The following ADSS1 variants were observed in gnomAD, a reference collection of about 807,000 sequenced individuals.
ADSS1 encodes adenylosuccinate synthetase isozyme 1.
A neutral mutation model predicts 59.1 loss-of-function variants in ADSS1; 57 were observed. That is an observed-to-expected ratio of 0.97 (90% CI 0.78 to 1.20). The LOEUF is 1.20. Ranked by LOEUF, ADSS1 falls within the 50% of genes most tolerant of loss-of-function variation. The pLI is 0.00. For missense variants in ADSS1, 603 were observed against 610.3 expected (o/e 0.99, Z 0.13); for synonymous variants, 247 against 249.4 (o/e 0.99, Z 0.09).
At chr14:104,744,477 C>T (rs892716869) in intron 10 of ADSS1, 2 of 228,814 alleles carry the variant, frequency 8.7e-6, no homozygotes, top group Non-Finnish European at 1.7e-5. Flanking sequence ...CGGATGGTTT[C>T]GGGATGAAAC....
At chr14:104,746,075 T>G in intron 11 of ADSS1, 161 bp from the exon 12 acceptor site, 2 of 867,830 alleles carry the variant, frequency 2.3e-6, no homozygotes, top group South Asian at 1.8e-5. Flanking sequence ...CACCCAACAC[T>G]GAGAAAATCA....
chr14:104,745,006 G>A (rs1891505183), intron 11 of ADSS1, 97 bp downstream of exon 11: 10 of 1,054,938 alleles, frequency 9.5e-6, no homozygotes, highest in Middle Eastern at 2.1e-4. Context: ...GAGTTCCCAC[G>A]TTCACAGGAC....
At chr14:104,734,195 C>A (rs1483855562) in intron 1 of ADSS1, among the ~76,000 whole-genome samples, 1 of 152,210 alleles carries the variant, frequency 6.6e-6, no homozygotes, top group Non-Finnish European at 1.5e-5. Context: ...TGGAGTGTCC[C>A]TGTATCCATC....
At chr14:104,726,175 G>GAGCCCACACCTGTCCCCCTGC (rs1367057443) in intron 1 of ADSS1, among the ~76,000 whole-genome samples, 3 of 152,226 alleles carry the variant, frequency 2.0e-5, no homozygotes, top group Admixed American at 2.0e-4. Context: ...TTTGTCCCTG[G>GAGCCCACACCTGTCCCCCTGC]AGCCCACACC....
intron 1 of ADSS1, among the ~76,000 whole-genome samples, chr14:104,726,571 AC>A (rs1162935391): frequency 1.3e-5 from 2 of 151,838 alleles, no homozygotes; most frequent in Non-Finnish European, 2.9e-5. Flanking sequence ...ATGTCTGACC[AC>A]CCCATGTCGT....
At position 104,740,289 on chromosome 14, in the gene ADSS1, C is replaced by T. The variant is rs1289835030; in HGVS notation, c.477-312C>T. ...TGCTCTTACATACACACCACACGCC[C>T]ACGCATGCTCGCACAGTTATGCACA... On this transcript the variant is annotated intron_variant, in intron 5 of 12. Coordinates refer to ENST00000330877, the MANE Select transcript of ADSS1 (RefSeq NM_152328.5). The surrounding 1 kb of genome is among the most constrained non-coding windows in gnomAD (Gnocchi z 4.8). Among the ~76,000 whole-genome samples, 4 of 152,108 alleles carry T rather than the reference C, an allele frequency of 2.6e-5. No homozygotes were observed. The highest frequency in any genetic ancestry group is 6.6e-5 in the Admixed American group (1 of 15,266).
At chr14:104,739,669 C>A in intron 4 of ADSS1, 81 bp from the exon 5 acceptor site, 1 of 1,473,740 alleles carries the variant, frequency 6.8e-7, no homozygotes. Context: ...CTCAGGCCAG[C>A]AGGAGGTGAG....
Position 104,738,393 on chromosome 14 carries a change from C to G in ADSS1, c.313C>G (p.His105Asp). The G allele has an allele frequency of 6.2e-7, 1 of 1,614,028 alleles. No individual in the cohort carries two copies. The highest frequency in any genetic ancestry group is 2.2e-5 in the East Asian group (1 of 44,868). ...TCATGCAGGCAACGGGGTGGTCATC[C>G]ACTTGCCAGGCTTGTTTGAGGAAGC... ...VSFIGNGVVI[H>D]LPGLFEEAEK... Residue 105 changes from histidine (H) to aspartate (D), a missense_variant, in exon 3 of 13, where the codon CAC becomes GAC. Physicochemically the swap from His to Asp is moderately conservative, Grantham distance 81 (BLOSUM62 -1). Coordinates refer to ENST00000330877, the MANE Select transcript of ADSS1 (RefSeq NM_152328.5).
chr14:104,739,675 GTGAGGTCCA>G, intron 4 of ADSS1, 66 bp from the exon 5 acceptor site: 1 of 1,510,926 alleles, frequency 6.6e-7, no homozygotes, highest in Non-Finnish European at 9.2e-7. Flanking sequence ...CCAGCAGGAG[GTGAGGTCCA>G]TGTATACACA....
intron 2 of ADSS1, chr14:104,737,104 A>G (rs1891164393): frequency 6.6e-6 from 1 of 151,912 alleles, no homozygotes; most frequent in Non-Finnish European, 1.5e-5. Flanking sequence ...GATCACCCAG[A>G]GTACATAGTC....
At chr14:104,734,577 C>A (rs563300766) in intron 1 of ADSS1, among the ~76,000 whole-genome samples, 29 of 152,298 alleles carry the variant, frequency 1.9e-4, no homozygotes, top group Middle Eastern at 3.4e-3. Flanking sequence ...ATGGCTTTTT[C>A]TTTTTCATTC....
At chr14:104,729,344 G>A (rs1890812714) in intron 1 of ADSS1, among the ~76,000 whole-genome samples, 1 of 152,214 alleles carries the variant, frequency 6.6e-6, no homozygotes, top group African/African-American at 2.4e-5. Flanking sequence ...GATGGCTGCA[G>A]GGCAAGGCTG....
chr14:104,742,026 C>T, intron 9 of ADSS1, 24 bp downstream of exon 9: 1 of 1,610,256 alleles, frequency 6.2e-7, no homozygotes, highest in South Asian at 1.1e-5. Flanking sequence ...CCCTCGGGAC[C>T]CCGTGGGAGG....
At chr14:104,725,321 A>G (rs371261938) in intron 1 of ADSS1, among the ~76,000 whole-genome samples, 12 of 152,280 alleles carry the variant, frequency 7.9e-5, no homozygotes, top group East Asian at 3.9e-4. Flanking sequence ...GCTGACTTAC[A>G]GCTCCAGGCA....
intron 1 of ADSS1, among the ~76,000 whole-genome samples, chr14:104,728,624 C>G (rs1460085574): frequency 6.6e-6 from 1 of 152,236 alleles, no homozygotes; most frequent in African/African-American, 2.4e-5. Flanking sequence ...GCCCCTTGCT[C>G]TGTGCCGGGC....
chr14:104,725,720 G>A (rs114735152), intron 1 of ADSS1, among the ~76,000 whole-genome samples: 1,783 of 152,280 alleles, frequency 0.012, 36 homozygotes, highest in African/African-American at 0.041. Flanking sequence ...GTCCTGGGCC[G>A]CCAGGGGGCA....
At chr14:104,725,522 T>C (rs1595191546) in intron 1 of ADSS1, among the ~76,000 whole-genome samples, 1 of 151,826 alleles carries the variant, frequency 6.6e-6, no homozygotes, top group South Asian at 2.1e-4. Flanking sequence ...CTCAGGGCTG[T>C]CCGAGCCCCT....
intron 1 of ADSS1, among the ~76,000 whole-genome samples, chr14:104,730,958 TGG>T (rs60540767): frequency 0.16 from 5,164 of 32,096 alleles, 609 homozygotes; most frequent in African/African-American, 0.42. Flanking sequence ...AGGCAGAGAG[TGG>T]GGGGGGGGGG....
chr14:104,730,696 C>T (rs1043188030), intron 1 of ADSS1, among the ~76,000 whole-genome samples: 1 of 151,720 alleles, frequency 6.6e-6, no homozygotes. Context: ...TGTGAGGGTG[C>T]GCACAGCCTC....
Sources: gnomAD v4.1 joint callset for allele counts (sites outside exome capture counted in the v4.1 genomes callset) on GRCh38, gnomAD v4.1.1 for gene constraint, Gnocchi (gnomAD v3.1) non-coding constraint, MANE v1.5 for transcripts, NCBI Gene and HGNC (gene_info 2026-07-23, HGNC 2026-07-21) for gene names.